CACHD1: variants seen among roughly 807,000 people sequenced by gnomAD.
CACHD1 encodes cache domain containing 1.
CACHD1 carries 71 observed loss-of-function variants against 138.7 expected under a neutral mutation model. That is an observed-to-expected ratio of 0.51 (90% confidence interval 0.42 to 0.62). The LOEUF is 0.62. Among genes scored for constraint, CACHD1 ranks in the 20% least tolerant of loss-of-function variants. CACHD1 has a pLI of 0.00. For synonymous variants in CACHD1, 578 were observed against 591.5 expected (o/e 0.98, Z 0.33); for missense variants, 1,389 against 1,625.3 (o/e 0.85, Z 2.50).
intron 1 of CACHD1, among the ~76,000 whole-genome samples, chr1:64,528,920 A>G (rs1221790520): frequency 6.6e-6 from 1 of 152,060 alleles, no homozygotes; most frequent in Admixed American, 6.6e-5. Context: ...AGACTCTTGA[A>G]TTTGTTTTAC....
At chr1:64,537,730 T>A (rs571158875) in intron 1 of CACHD1, among the ~76,000 whole-genome samples, 1 of 152,332 alleles carries the variant, frequency 6.6e-6, no homozygotes, top group Non-Finnish European at 1.5e-5. Context: ...GAAGGATTTT[T>A]AAAAAGTTAC....
At chr1:64,573,784 GCAAGTCAGTCCATTGGAATCAC>G (rs1453192846) in intron 2 of CACHD1, among the ~76,000 whole-genome samples, 1 of 152,192 alleles carries the variant, frequency 6.6e-6, no homozygotes, top group African/African-American at 2.4e-5. Flanking sequence ...GTGACCTTGG[GCAAGTCAGTCCATTGGAATCAC>G]CTGTAAAAAT....
chr1:64,635,124 T>A (rs1648473311), intron 7 of CACHD1, among the ~76,000 whole-genome samples: 1 of 152,058 alleles, frequency 6.6e-6, no homozygotes, highest in Non-Finnish European at 1.5e-5. Context: ...TCTGTACAAT[T>A]TCTTGACTCT....
intron 2 of CACHD1, among the ~76,000 whole-genome samples, chr1:64,561,333 C>G (rs1042301225): frequency 2.0e-5 from 3 of 152,038 alleles, no homozygotes; most frequent in Non-Finnish European, 4.4e-5. Flanking sequence ...GCGTATATTA[C>G]AAACTGCACA....
chr1:64,583,520 G>T (rs953271904), intron 3 of CACHD1, among the ~76,000 whole-genome samples: 3 of 152,310 alleles, frequency 2.0e-5, no homozygotes, highest in African/African-American at 7.2e-5. Context: ...AAAGTAGTTT[G>T]TAAACTGTAA....
chr1:64,514,664 C>T (rs1646446187), intron 1 of CACHD1, among the ~76,000 whole-genome samples: 1 of 152,142 alleles, frequency 6.6e-6, no homozygotes, highest in Non-Finnish European at 1.5e-5. Context: ...TAGTCTCCAG[C>T]AGTAGTTTAG....
At chr1:64,505,771 G>A (rs1428055324) in intron 1 of CACHD1, 1 of 61,322 alleles carries the variant, frequency 1.6e-5, no homozygotes, top group Non-Finnish European at 2.9e-5. Flanking sequence ...CTCCTTCCCC[G>A]GTCTGCCTTC....
intron 2 of CACHD1, among the ~76,000 whole-genome samples, chr1:64,553,051 A>G (rs749391508): frequency 3.3e-5 from 5 of 152,210 alleles, no homozygotes; most frequent in African/African-American, 7.2e-5. Flanking sequence ...TATCCCAAAA[A>G]TGAGGACAGT....
At chr1:64,522,238 C>T (rs890059959) in intron 1 of CACHD1, among the ~76,000 whole-genome samples, 1 of 152,148 alleles carries the variant, frequency 6.6e-6, no homozygotes. Flanking sequence ...TTTTGGCACC[C>T]TTCAAGACCA....
chr1:64,633,273 GGACTTTGGGAAAAGAAAA>G (rs953638356), intron 6 of CACHD1, among the ~76,000 whole-genome samples: 2 of 152,146 alleles, frequency 1.3e-5, no homozygotes, highest in Admixed American at 1.3e-4. Context: ...ATCTTTAAAA[GGACTTTGGGAAAAGAAAA>G]GACTTTGGGA....
intron 8 of CACHD1, among the ~76,000 whole-genome samples, chr1:64,644,952 C>A (rs981849205): frequency 6.6e-6 from 1 of 152,116 alleles, no homozygotes; most frequent in African/African-American, 2.4e-5. Context: ...CAGAAATTAG[C>A]CAAGTGTGGT....
intron 2 of CACHD1, among the ~76,000 whole-genome samples, chr1:64,574,993 G>T (rs1020666024): frequency 7.2e-5 from 11 of 152,174 alleles, no homozygotes; most frequent in African/African-American, 2.7e-4. Context: ...TTAACATTCA[G>T]TTTATTACTT....
chr1:64,634,040 G>A lies in CACHD1; in HGVS notation c.790-4G>A, dbSNP rs1342007885. 2.6e-6 allele frequency: 4 copies of A among 1,516,026 alleles called. No individual in the cohort carries two copies. Among genetic ancestry groups the A allele is most frequent in the Admixed American group, 2.0e-5 (1 of 49,398 alleles). The allele number at this position is 1,516,026 out of a possible 1,614,324, so 93.9% of individuals were successfully genotyped here. A position where few individuals can be genotyped will look rare whatever the true frequency, so the allele number is the denominator to read the frequency against. On this transcript the variant is annotated splice_polypyrimidine_tract_variant and splice_region_variant and intron_variant, in intron 6 of 26. Coordinates refer to ENST00000651257, the MANE Select transcript of CACHD1 (RefSeq NM_020925.4). ...GTGGTTTTTTTTTTTTTTCTTTCCT[G>A]CAGATTTCTGTGTTAACTGTGGCAG...
intron 2 of CACHD1, among the ~76,000 whole-genome samples, chr1:64,555,696 C>T (rs1285296160): frequency 1.3e-5 from 2 of 152,234 alleles, no homozygotes; most frequent in African/African-American, 4.8e-5. Context: ...CCTGGGATTA[C>T]AGGCATGAGC....
At chr1:64,627,720 G>A (rs766229956) in intron 4 of CACHD1, among the ~76,000 whole-genome samples, 1 of 152,128 alleles carries the variant, frequency 6.6e-6, no homozygotes, top group Non-Finnish European at 1.5e-5. Flanking sequence ...ATTTGAGGCC[G>A]AGGGATTTAG....
At chr1:64,686,097 C>T (rs187523354) in intron 26 of CACHD1, among the ~76,000 whole-genome samples, 2 of 152,216 alleles carry the variant, frequency 1.3e-5, no homozygotes, top group Admixed American at 6.5e-5. Context: ...CTTTTATCTG[C>T]GAGTAAATTA....
intron 25 of CACHD1, 100 bp from the exon 26 acceptor site, chr1:64,681,905 A>T (rs1475463511): frequency 9.9e-7 from 1 of 1,010,612 alleles, no homozygotes; most frequent in Non-Finnish European, 1.5e-6. Context: ...TCCAAAGAGA[A>T]TTCTCCCAGC....
At chr1:64,485,033 G>A (rs1179968206) in intron 1 of CACHD1, among the ~76,000 whole-genome samples, 4 of 152,126 alleles carry the variant, frequency 2.6e-5, no homozygotes, top group East Asian at 1.9e-4. Context: ...CTGTTTGTCC[G>A]AGAAACTGCC....
chr1:64,484,304 C>T (rs780273508), intron 1 of CACHD1, among the ~76,000 whole-genome samples: 10 of 151,788 alleles, frequency 6.6e-5, no homozygotes, highest in Non-Finnish European at 1.3e-4. Flanking sequence ...GAGGAGCCAA[C>T]CAGGGGAGCG....
Sources: allele counts gnomAD v4.1 joint callset (sites outside exome capture counted in the v4.1 genomes callset), GRCh38; gene constraint gnomAD v4.1.1; transcripts MANE v1.5; gene names NCBI Gene and HGNC (gene_info 2026-07-23, HGNC 2026-07-21).